Variants in RBM45 observed in about 807,000 individuals in gnomAD.
RBM45 encodes the protein RNA binding motif protein 45, also known as RNA-binding protein 45.
Under a neutral mutation model 58.5 loss-of-function variants are expected in RBM45, and 39 were observed. The observed-to-expected ratio is 0.67, with a 90% CI of 0.52 to 0.87. The LOEUF is 0.87. Ranked by LOEUF, RBM45 falls within the 40% of genes least tolerant of loss-of-function variation. The probability of loss-of-function intolerance (pLI) is 0.00; values close to 1 mark genes in which losing one functional copy is unlikely to be tolerated. For synonymous variants in RBM45, 193 were observed against 203.0 expected, an observed-to-expected ratio of 0.95 and a Z score of 0.42; for missense variants, 481 against 581.6, an observed-to-expected ratio of 0.83 and a Z score of 1.78.
chr2:178,124,427 A>T (rs2087899167), intron 8 of RBM45, 137 bp downstream of exon 8: 2 of 466,390 alleles, frequency 4.3e-6, no homozygotes, highest in African/African-American at 4.1e-5. Context: ...CCTTATTTGT[A>T]TCATCTTTTT....
At chr2:178,123,956 A>G in intron 7 of RBM45, 44 bp downstream of exon 7, 2 of 1,547,388 alleles carry the variant, frequency 1.3e-6, no homozygotes, top group East Asian at 2.2e-5. Flanking sequence ...TCAATAGCAT[A>G]TAAAATAAAT....
In RBM45 at chr2:178,116,171, G is replaced by A; in HGVS notation, c.301-91G>A. 7.7e-6 allele frequency: 11 copies of A among 1,426,926 alleles called. No individual in the cohort carries two copies. The South Asian group carries it at 1.4e-4, about 18-fold the overall frequency. 88.4% of individuals were successfully genotyped at this position (1,426,926 alleles called of 1,614,324 possible). On this transcript the variant is annotated intron_variant, in intron 1 of 9. Transcript: ENST00000286070. ...ACCCTGTCTCAAAGATTAAAAAAAA[G>A]TCATTGCAAGAATAATTGCTTTTGA... is the stretch of plus-strand genomic sequence containing the variant.
chr2:178,121,224 G>A lies in RBM45; in HGVS notation c.718G>A (p.Gly240Ser). The change falls in exon 5 of 10, where the codon GGC becomes AGC. Residue 240 changes from glycine to serine, a missense_variant. Gly to Ser is a moderately conservative substitution (Grantham distance 56, BLOSUM62 0). Transcript: ENST00000286070. ...AAGTTTTGACAAGAATGATAGCCGA[G>A]GCCAGGAAGCAATCTCCAAACGCTT... ...FSSFDKNDSR[G>S]QEAISKRLSV... 24 of 1,583,984 alleles carry A rather than the reference G, an allele frequency of 1.5e-5. No homozygotes were observed. Among genetic ancestry groups the A allele is most frequent in the Non-Finnish European group, 2.1e-5 (24 of 1,163,550 alleles).
intron 3 of RBM45, 96 bp from the exon 4 acceptor site, chr2:178,120,191 T>C: frequency 2.0e-6 from 3 of 1,514,924 alleles, no homozygotes; most frequent in Non-Finnish European, 2.7e-6. Flanking sequence ...CTTTGTACAA[T>C]TATATTTATA....
intron 3 of RBM45, 142 bp from the exon 4 acceptor site, chr2:178,120,145 G>C (rs1019971694): frequency 1.0e-5 from 10 of 979,718 alleles, no homozygotes; most frequent in Non-Finnish European, 1.4e-5. Context: ...AAGCAAAGAA[G>C]TAGGTCTGGA....
At chr2:178,116,162 TA>T (rs1286231884) in intron 1 of RBM45, 99 bp from the exon 2 acceptor site, 128 of 1,421,244 alleles carry the variant, frequency 9.0e-5, no homozygotes, top group East Asian at 1.5e-4. Flanking sequence ...TCTCAAAGAT[TA>T]AAAAAAAGTC....
downstream of RBM45, among the ~76,000 whole-genome samples, chr2:178,132,249 T>C (rs920362706): frequency 3.9e-5 from 6 of 152,218 alleles, no homozygotes; most frequent in African/African-American, 9.6e-5. Flanking sequence ...TTCCAAACTA[T>C]GTTCCTTGAA....
At chr2:178,138,088 T>C (rs2088059521) in exon 4 of RBM45, 3 of 152,218 alleles carry the variant, frequency 2.0e-5, no homozygotes, top group African/African-American at 7.2e-5. Context: ...CTAAAGAAAA[T>C]TGAATCCATG....
At chr2:178,124,990 C>T (rs1207911783) in intron 8 of RBM45, among the ~76,000 whole-genome samples, 1 of 151,980 alleles carries the variant, frequency 6.6e-6, no homozygotes, top group Admixed American at 6.6e-5. Flanking sequence ...AACATAACTC[C>T]TTTCTTTGCT....
intron 5 of RBM45, 71 bp downstream of exon 5, chr2:178,121,430 A>G (rs2087851991): frequency 1.3e-6 from 1 of 760,876 alleles, no homozygotes; most frequent in Admixed American, 4.2e-5. Flanking sequence ...ACACACACAC[A>G]CACACACACA....
rs1039688697 is a variant in RBM45, at chr2:178,116,123, G to C, written c.301-139G>C. 1.3e-5 allele frequency: 15 copies of C among 1,117,022 alleles called. No homozygotes were observed. The African/African-American group carries it at 2.4e-4, about 18-fold the overall frequency. The allele number at this position is 1,117,022 out of a possible 1,614,324, so 69.2% of individuals were successfully genotyped here. A position where few individuals can be genotyped will look rare whatever the true frequency, so the allele number is the denominator to read the frequency against. ...GCCATGATCACACCACTGCACTGCA[G>C]CCTGCTTTTTTTTTTCTTTGAGACC... is the stretch of plus-strand genomic sequence containing the variant. On this transcript the variant is annotated intron_variant, in intron 1 of 9. Coordinates refer to ENST00000286070, the MANE Select transcript of RBM45 (RefSeq NM_152945.4).
downstream of RBM45, among the ~76,000 whole-genome samples, chr2:178,131,414 T>C (rs1403680126): frequency 6.6e-6 from 1 of 152,212 alleles, no homozygotes; most frequent in East Asian, 1.9e-4. Flanking sequence ...TAAGATCCTA[T>C]TTCCTACAGT....
chr2:178,135,953 CAGTAA>C, intron 3 of RBM45, among the ~76,000 whole-genome samples: 1 of 152,222 alleles, frequency 6.6e-6, no homozygotes, highest in Non-Finnish European at 1.5e-5. Flanking sequence ...AGTAGAATCC[CAGTAA>C]GGGGTAGGAT....
At position 178,121,302 on chromosome 2, in the gene RBM45, G is replaced by T. The variant is rs767140115; in HGVS notation, c.796G>T (p.Asp266Tyr). The T allele has an allele frequency of 6.9e-6, 11 of 1,604,768 alleles. No individual in the cohort carries two copies. The Admixed American group carries it at 8.5e-5, about 12-fold the overall frequency. Reference protein sequence around the residue: ...FTEEQLFSIFDIVPGLEYCEV... With the variant: ...FTEEQLFSIFYIVPGLEYCEV... The stretch of plus-strand genomic sequence containing the variant: ...TGAAGAACAGCTTTTCAGCATTTTT[G>T]ATATAGTACCAGGATTGGAATATTG... The change falls in exon 5 of 10, where the codon GAT (aspartate) becomes TAT (tyrosine). Residue 266 changes from aspartate to tyrosine, a missense_variant. Transcript: ENST00000286070.
chr2:178,113,685 A>G (rs187146813), intron 1 of RBM45, among the ~76,000 whole-genome samples: 1 of 152,278 alleles, frequency 6.6e-6, no homozygotes, highest in African/African-American at 2.4e-5. Context: ...CTTGTTATTG[A>G]TCAGTAGTAG....
rs911308641 is a variant in RBM45 at position 178,120,165 on chromosome 2, C to T, written c.551-122C>T. 8 of 1,225,800 alleles carry T rather than the reference C, an allele frequency of 6.5e-6. No homozygotes were observed. In the African/African-American group the frequency reaches 1.1e-4, roughly 16 times the overall value. The allele number at this position is 1,225,800 out of a possible 1,614,324, so 75.9% of individuals were successfully genotyped here. ...AAGAAGTAGGTCTGGAGGAGATGGC[C>T]ATTGTATAGATTTTGCTTTGTACAA... On this transcript the variant is annotated intron_variant, in intron 3 of 9. Transcript: ENST00000286070.
At position 178,120,388 on chromosome 2, in the gene RBM45, A is replaced by G. The variant is rs138537367; in HGVS notation, c.652A>G (p.Arg218Gly). ...MRQEALGHEP[R>G]VNMFPFEQQS... ...GCAAGAAGCTTTGGGACATGAACCT[A>G]GAGTAAATATGTTTCCATTTGGTAA... Residue 218 changes from arginine to glycine, a missense_variant, in exon 4 of 10, where the codon AGA becomes GGA. By Grantham distance (125) the Arg-to-Gly change is moderately radical (BLOSUM62 -2). Coordinates refer to ENST00000286070, the MANE Select transcript of RBM45 (RefSeq NM_152945.4). 253 of 1,612,300 alleles carry G rather than the reference A, an allele frequency of 1.6e-4. 2 individuals are homozygous for G. The East Asian group carries it at 5.3e-3, about 34-fold the overall frequency.
downstream of RBM45, chr2:178,134,033 C>A (rs1292228579): frequency 6.6e-6 from 1 of 152,116 alleles, no homozygotes; most frequent in African/African-American, 2.4e-5. Context: ...ATGCAGCTCC[C>A]ACTATACTTT....
At chr2:178,138,438 T>C (rs910445201) in exon 4 of RBM45, 3 of 152,120 alleles carry the variant, frequency 2.0e-5, no homozygotes, top group Admixed American at 1.3e-4. Context: ...AGAAGAAACA[T>C]GGTTGATCTA....
Sources: allele counts gnomAD v4.1 joint callset (sites outside exome capture counted in the v4.1 genomes callset), GRCh38; gene constraint gnomAD v4.1.1; transcripts MANE v1.5; gene names NCBI Gene and HGNC (gene_info 2026-07-23, HGNC 2026-07-21).